Variants in TELO2 observed in about 807,000 individuals in gnomAD.
The protein encoded by TELO2 is telomere maintenance 2, also known as telomere length regulation protein TEL2 homolog.
TELO2 carries 71 observed loss-of-function variants against 91.0 expected under a neutral mutation model. That is an observed-to-expected ratio of 0.78 (90% confidence interval 0.64 to 0.95). The LOEUF (loss-of-function observed/expected upper bound fraction) is 0.95, where lower values mean the gene tolerates loss of function less well. Among genes scored for constraint, TELO2 ranks in the 40% least tolerant of loss-of-function variants. The pLI, the probability that TELO2 is intolerant of heterozygous loss-of-function variation, is 0.00. For missense variants in TELO2, 1,183 were observed against 1,141.3 expected (o/e 1.04, Z -0.53); for synonymous variants, 584 against 518.9 (o/e 1.13, Z -1.71).
At position 1,502,693 on chromosome 16, in the gene TELO2, T is replaced by G; in HGVS notation, c.1702T>G (p.Cys568Gly). The G allele has an allele frequency of 1.2e-6, 2 of 1,612,772 alleles. No homozygotes were observed. Among genetic ancestry groups the G allele is most frequent in the Non-Finnish European group, 8.5e-7 (1 of 1,179,870 alleles). Residue 568 changes from cysteine (C) to glycine (G), a missense_variant, in exon 14 of 21, where the codon TGT becomes GGT. Physicochemically the swap from Cys to Gly is radical, Grantham distance 159. Coordinates refer to ENST00000262319, the MANE Select transcript of TELO2 (RefSeq NM_016111.4). ...KVLLHLEEKT[C>G]VVGFAGLRQR... ...GCTTCTGCATCTGGAGGAGAAGACC[T>G]GTGTGGTGGGATTTGCAGGGCTGCG...
In TELO2 at chr16:1,497,002, C is replaced by T. The variant is rs141246642; in HGVS notation, c.614-34C>T. 18 of 1,609,294 alleles carry T rather than the reference C, an allele frequency of 1.1e-5. No individual in the cohort carries two copies. Among genetic ancestry groups the T allele is most frequent in the South Asian group, 3.3e-5 (3 of 90,532 alleles). On this transcript the variant is annotated intron_variant, in intron 3 of 20. Transcript: ENST00000262319. This position sits in a 1 kb window ranked among gnomAD's most constrained non-coding sequence, Gnocchi z 4.0. ...TAGATGTTCTTTTGTGCCTTCCCGC[C>T]GGCTTCCTCATCAGGCCTCCCTTTC... is the stretch of plus-strand genomic sequence containing the variant.
At position 1,497,300 on chromosome 16, in the gene TELO2, C is replaced by A; in HGVS notation, c.683-61C>A. On this transcript the variant is annotated intron_variant, in intron 4 of 20. Transcript: ENST00000262319. The surrounding 1 kb of genome is among the most constrained non-coding windows in gnomAD (Gnocchi z 4.0). ...TGGGACTGTCCTTGCTGGACCCACA[C>A]AGCCCCAGACACCAGGTGGGTGCAG... The A allele has an allele frequency of 6.7e-7, 1 of 1,499,950 alleles. No individual in the cohort carries two copies. Among genetic ancestry groups the A allele is most frequent in the Non-Finnish European group, 8.9e-7 (1 of 1,117,992 alleles). 92.9% of individuals were successfully genotyped at this position (1,499,950 alleles called of 1,614,324 possible).
rs375232697 is a variant in TELO2, at chr16:1,500,675, C to G, written c.1257C>G (p.Pro419=). The G allele has an allele frequency of 1.2e-6, 2 of 1,612,388 alleles. No homozygotes were observed. Among genetic ancestry groups the G allele is most frequent in the Middle Eastern group, 1.6e-4 (1 of 6,064 alleles). ...VAEVVSARIH[P]EGPPLKFQYE... is the part of the protein sequence containing the mutation. ...AGGTCGTTAGTGCCCGGATCCACCC[C>G]GAGGGGCCTCCCCTGAAATTCCAGG... The change falls in exon 9 of 21, where the codon CCC becomes CCG. Residue 419 remains proline (P), a synonymous_variant. Transcript: ENST00000262319.
Position 1,502,524 on chromosome 16 carries a change from C to T in TELO2, c.1653+120C>T, listed in dbSNP as rs1434475985. 1.7e-5 allele frequency: 25 copies of T among 1,504,002 alleles called. No homozygotes were observed. In the South Asian group the frequency reaches 3.0e-4, roughly 18 times the overall value. The allele number at this position is 1,504,002 out of a possible 1,614,324, so 93.2% of individuals were successfully genotyped here. A position where few individuals can be genotyped will look rare whatever the true frequency, so the allele number is the denominator to read the frequency against. On this transcript the variant is annotated intron_variant, in intron 13 of 20. Transcript: ENST00000262319. Reference sequence around the variant, plus strand: ...GTGTGTGACAGGGCTGCTGCCTCTCCCGGGGGGCCTGCGGCCTGGGGCCTC... The same window carrying T: ...GTGTGTGACAGGGCTGCTGCCTCTCTCGGGGGGCCTGCGGCCTGGGGCCTC...
intron 15 of TELO2, among the ~76,000 whole-genome samples, chr16:1,504,455 A>C (rs900467601): frequency 1.4e-5 from 2 of 139,616 alleles, no homozygotes; most frequent in Non-Finnish European, 3.1e-5. Context: ...AAAAAAAAAA[A>C]GGGAGGGGAG....
At chr16:1,506,412 A>G in intron 17 of TELO2, 83 bp downstream of exon 17, 1 of 1,609,802 alleles carries the variant, frequency 6.2e-7, no homozygotes, top group Non-Finnish European at 8.5e-7. Context: ...TCGGGCTGGG[A>G]TCTGAGTGGG....
At position 1,497,549 on chromosome 16, in the gene TELO2, G is replaced by A; in HGVS notation, c.830+41G>A. The A allele has an allele frequency of 3.3e-6, 5 of 1,513,650 alleles. No homozygotes were observed. The highest frequency in any genetic ancestry group is 4.4e-6 in the Non-Finnish European group (5 of 1,131,142). The allele number at this position is 1,513,650 out of a possible 1,614,324, so 93.8% of individuals were successfully genotyped here. A position where few individuals can be genotyped will look rare whatever the true frequency, so the allele number is the denominator to read the frequency against. On this transcript the variant is annotated intron_variant, in intron 5 of 20. Transcript: ENST00000262319. This position sits in a 1 kb window ranked among gnomAD's most constrained non-coding sequence, Gnocchi z 4.0. Reference sequence around the variant, plus strand: ...GTCCTCCAGCTGCACTGGCTTCTGGGGTCTGGACCCCCAGAGGCTGCCATT... The same window carrying A: ...GTCCTCCAGCTGCACTGGCTTCTGGAGTCTGGACCCCCAGAGGCTGCCATT...
chr16:1,495,492 T>C lies in TELO2; in HGVS notation c.482T>C (p.Val161Ala). The stretch of plus-strand genomic sequence containing the variant: ...CGGGAGACGCTGCTGGGCAAGGTGG[T>C]GGCCCTGCCCGATCACCTGGGCAAC... ...LLRETLLGKVVALPDHLGNRL... is the reference protein window; with the variant it reads ...LLRETLLGKVAALPDHLGNRL... The change falls in exon 3 of 21, where the codon GTG (valine) becomes GCG (alanine). Residue 161 changes from valine to alanine, a missense_variant. Val to Ala is a moderately conservative substitution (Grantham distance 64). Transcript: ENST00000262319. 6.2e-7 allele frequency: 1 copy of C among 1,610,894 alleles called. No individual in the cohort carries two copies. The highest frequency in any genetic ancestry group is 8.5e-7 in the Non-Finnish European group (1 of 1,179,730).
At position 1,507,686 on chromosome 16, in the gene TELO2, G is replaced by A. The variant is rs769720218; in HGVS notation, c.2377G>A (p.Glu793Lys). ...GCGCCTGCTGGAGGACCTGATGGAC[G>A]AGCTGCTGGAAGCCCGGTCCTGGCT... ...AARLLEDLMD[E>K]LLEARSWLAD... Residue 793 changes from glutamate to lysine, a missense_variant, in exon 20 of 21, where the codon GAG becomes AAG. Physicochemically the swap from Glu to Lys is moderately conservative, Grantham distance 56. Transcript: ENST00000262319. 6.9e-6 allele frequency: 11 copies of A among 1,604,192 alleles called. No homozygotes were observed. The Admixed American group carries it at 8.3e-5, about 12-fold the overall frequency.
chr16:1,505,319 G>A lies in TELO2; in HGVS notation c.1843-91G>A, dbSNP rs995438922. On this transcript the variant is annotated intron_variant, in intron 15 of 20. Coordinates refer to ENST00000262319, the MANE Select transcript of TELO2 (RefSeq NM_016111.4). This position sits in a 1 kb window ranked among gnomAD's most constrained non-coding sequence, Gnocchi z 4.3. ...CTTCTCCCAGGCTGGGCGGGCCCCCGGGCCCGTTTCTGGGGCTTTGGCTGA... is the reference window on the plus strand; with the variant it reads ...CTTCTCCCAGGCTGGGCGGGCCCCCAGGCCCGTTTCTGGGGCTTTGGCTGA... 8 of 1,465,440 alleles carry A rather than the reference G, an allele frequency of 5.5e-6. No homozygotes were observed. The highest frequency in any genetic ancestry group is 2.3e-5 in the East Asian group (1 of 43,352). The allele number at this position is 1,465,440 out of a possible 1,614,324, so 90.8% of individuals were successfully genotyped here.
chr16:1,494,688 C>G lies in TELO2; in HGVS notation c.335+72C>G, dbSNP rs2142449836. The G allele has an allele frequency of 6.9e-7, 1 of 1,458,204 alleles. No homozygotes were observed. The highest frequency in any genetic ancestry group is 1.3e-5 in the South Asian group (1 of 76,300). The allele number at this position is 1,458,204 out of a possible 1,614,324, so 90.3% of individuals were successfully genotyped here. A position where few individuals can be genotyped will look rare whatever the true frequency, so the allele number is the denominator to read the frequency against. ...GATGAGAGTGGCTTGAAGGACTGGACCAAGAGCCTCTCTAGTCCCTGTGAG... is the reference window on the plus strand; with the variant it reads ...GATGAGAGTGGCTTGAAGGACTGGAGCAAGAGCCTCTCTAGTCCCTGTGAG... On this transcript the variant is annotated intron_variant, in intron 2 of 20. Transcript: ENST00000262319. The surrounding 1 kb of genome is among the most constrained non-coding windows in gnomAD (Gnocchi z 5.6).
At position 1,497,137 on chromosome 16, in the gene TELO2, C is replaced by A; in HGVS notation, c.682+33C>A. Reference sequence around the variant, plus strand: ...GAGCAGTGCCTTCCTGCCCATCCTGCCCCGACCCTCACAGCCCATCAGCCT... The same window carrying A: ...GAGCAGTGCCTTCCTGCCCATCCTGACCCGACCCTCACAGCCCATCAGCCT... On this transcript the variant is annotated intron_variant, in intron 4 of 20. Transcript: ENST00000262319. This position sits in a 1 kb window ranked among gnomAD's most constrained non-coding sequence, Gnocchi z 4.0. 7 of 1,612,198 alleles carry A rather than the reference C, an allele frequency of 4.3e-6. No individual in the cohort carries two copies. Among genetic ancestry groups the A allele is most frequent in the Non-Finnish European group, 5.9e-6 (7 of 1,178,764 alleles).
rs768303577 is a variant in TELO2 at position 1,507,054 on chromosome 16, G to A, written c.2226+3G>A. Reference sequence around the variant, plus strand: ...TGTGCCTGGCTGTTAACACCACGGTGAGCCGGGAGAGGTCGCCGGGCGCCG... The same window carrying A: ...TGTGCCTGGCTGTTAACACCACGGTAAGCCGGGAGAGGTCGCCGGGCGCCG... On this transcript the variant is annotated splice_donor_region_variant and intron_variant, in intron 18 of 20. Coordinates refer to ENST00000262319, the MANE Select transcript of TELO2 (RefSeq NM_016111.4). 7.5e-6 allele frequency: 12 copies of A among 1,603,608 alleles called. No homozygotes were observed. In the South Asian group the frequency reaches 1.2e-4, roughly 16 times the overall value.
rs149110473 is a variant in TELO2, at chr16:1,495,867, A to G, written c.613+244A>G. 4.1e-4 allele frequency among the ~76,000 whole-genome samples: 63 copies of G among 152,254 alleles called. 2 individuals are homozygous for G. The East Asian group carries it at 8.5e-3, about 21-fold the overall frequency. ...CAGTCCCTTGGGTTTCCAGGGCCCA[A>G]CTGTGCTGTGGTGGCCAGGTGGGGG... On this transcript the variant is annotated intron_variant, in intron 3 of 20. Coordinates refer to ENST00000262319, the MANE Select transcript of TELO2 (RefSeq NM_016111.4).
rs765786760 is a variant in TELO2, at chr16:1,502,999, G to T, written c.1839G>T (p.Leu613=). ...GCCTCCGGCAGCGCATGGACATCCT[G>T]GATGTAAGTGCCTCCTGGGCCTCAG... ...NYSLRQRMDI[L]DVLTLAAQEL... The change falls in exon 15 of 21, where the codon CTG becomes CTT. Residue 613 remains leucine, a synonymous_variant. Transcript: ENST00000262319. The T allele has an allele frequency of 6.8e-6, 11 of 1,610,228 alleles. No homozygotes were observed. Among genetic ancestry groups the T allele is most frequent in the Non-Finnish European group, 9.3e-6 (11 of 1,179,998 alleles).
At chr16:1,507,129 A>G (rs2039925712) in intron 18 of TELO2, 78 bp downstream of exon 18, 1 of 1,515,914 alleles carries the variant, frequency 6.6e-7, no homozygotes, top group African/African-American at 1.4e-5. Context: ...ACCTGCGCCC[A>G]GGGATGGGTG....
In TELO2 at chr16:1,505,443, C is replaced by T. The variant is rs569796710; in HGVS notation, c.1876C>T (p.Pro626Ser). The T allele has an allele frequency of 5.0e-6, 8 of 1,613,066 alleles. No individual in the cohort carries two copies. The highest frequency in any genetic ancestry group is 1.7e-5 in the Admixed American group (1 of 60,032). The change falls in exon 16 of 21, where the codon CCT becomes TCT. Residue 626 changes from proline to serine, a missense_variant. By Grantham distance (74) the Pro-to-Ser change is moderately conservative. Transcript: ENST00000262319. This position sits in a 1 kb window ranked among gnomAD's most constrained non-coding sequence, Gnocchi z 4.3. Reference sequence around the variant, plus strand: ...TCTGGCTGCCCAGGAGCTGTCTAGGCCTGGGTGCCTCGGGAGGACTCCCCA... The same window carrying T: ...TCTGGCTGCCCAGGAGCTGTCTAGGTCTGGGTGCCTCGGGAGGACTCCCCA... ...LTLAAQELSRPGCLGRTPQPG... is the reference protein window; with the variant it reads ...LTLAAQELSRSGCLGRTPQPG...
chr16:1,505,699 GC>G lies in TELO2; in HGVS notation c.2034+100del. 1 of 1,383,466 alleles carries G rather than the reference GC, an allele frequency of 7.2e-7. No homozygotes were observed. The highest frequency in any genetic ancestry group is 9.7e-7 in the Non-Finnish European group (1 of 1,030,738). 85.7% of individuals were successfully genotyped at this position (1,383,466 alleles called of 1,614,324 possible). The stretch of plus-strand genomic sequence containing the variant: ...CAGGCGCTGTCTGCAGCGAGGGGCG[GC>G]CACATTCGCTGGGGATGGTGCCTTT... On this transcript the variant is annotated intron_variant, in intron 16 of 20. Coordinates refer to ENST00000262319, the MANE Select transcript of TELO2 (RefSeq NM_016111.4). This position sits in a 1 kb window ranked among gnomAD's most constrained non-coding sequence, Gnocchi z 4.3.
Position 1,497,319 on chromosome 16 carries a change from G to A in TELO2, c.683-42G>A. 1 of 1,512,440 alleles carries A rather than the reference G, an allele frequency of 6.6e-7. No individual in the cohort carries two copies. Among genetic ancestry groups the A allele is most frequent in the Non-Finnish European group, 8.9e-7 (1 of 1,124,574 alleles). The allele number at this position is 1,512,440 out of a possible 1,614,324, so 93.7% of individuals were successfully genotyped here. ...CCCACACAGCCCCAGACACCAGGTG[G>A]GTGCAGCTCCCCAGGCTCAGGTCCT... On this transcript the variant is annotated intron_variant, in intron 4 of 20. Coordinates refer to ENST00000262319, the MANE Select transcript of TELO2 (RefSeq NM_016111.4). The surrounding 1 kb of genome is among the most constrained non-coding windows in gnomAD (Gnocchi z 4.0).
Sources: allele counts gnomAD v4.1 joint callset (sites outside exome capture counted in the v4.1 genomes callset), GRCh38; gene constraint gnomAD v4.1.1; non-coding constraint Gnocchi (gnomAD v3.1); transcripts MANE v1.5; gene names NCBI Gene and HGNC (gene_info 2026-07-23, HGNC 2026-07-21).